RCOR1: variants seen among roughly 807,000 people sequenced by gnomAD.
RCOR1 encodes the protein REST corepressor.
Under a neutral mutation model 64.0 loss-of-function variants are expected in RCOR1, and 12 were observed. That is an observed-to-expected ratio of 0.19 (90% CI 0.12 to 0.30). The LOEUF (loss-of-function observed/expected upper bound fraction) is 0.30, where lower values mean the gene tolerates loss of function less well. RCOR1 is among the 10% of genes least tolerant of loss of function. The probability of loss-of-function intolerance (pLI) is 1.00; values close to 1 mark genes in which losing one functional copy is unlikely to be tolerated. For synonymous variants in RCOR1, 279 were observed against 227.2 expected (o/e 1.23, Z -2.05); for missense variants, 502 against 621.2 (o/e 0.81, Z 2.04).
intron 11 of RCOR1, among the ~76,000 whole-genome samples, chr14:102,724,110 C>T (rs1359691737): frequency 3.3e-5 from 5 of 151,786 alleles, no homozygotes; most frequent in East Asian, 3.9e-4. Context: ...ATCAAAGTAC[C>T]GTCTTTCTTT....
At chr14:102,615,910 G>A (rs549557652) in intron 2 of RCOR1, among the ~76,000 whole-genome samples, 3 of 152,178 alleles carry the variant, frequency 2.0e-5, no homozygotes, top group Admixed American at 6.5e-5. Context: ...ACAGGAGGTA[G>A]GCCATCAGTT....
At chr14:102,616,873 A>G (rs1046009125) in intron 2 of RCOR1, among the ~76,000 whole-genome samples, 35 of 152,326 alleles carry the variant, frequency 2.3e-4, no homozygotes, top group African/African-American at 7.2e-4. Context: ...TTAAAAGTTC[A>G]GTCCCTCTCC....
chr14:102,678,875 G>C (rs1372895548), intron 2 of RCOR1, among the ~76,000 whole-genome samples: 6 of 152,074 alleles, frequency 3.9e-5, no homozygotes, highest in Non-Finnish European at 7.4e-5. Context: ...TTTTCCTAAT[G>C]GCTAATGATG....
rs1218701180 is a variant in RCOR1, at chr14:102,592,755, G to A, written c.-132G>A. On this transcript the variant is annotated 5_prime_UTR_variant, in exon 1 of 12. Coordinates refer to ENST00000262241, the MANE Select transcript of RCOR1 (RefSeq NM_015156.4). ...TGCCCGTTTGGGCCTCCCCCGACTC[G>A]GACTCGCGCCCGTGGGCTCCCGCCG... The A allele has an allele frequency of 3.2e-5, 39 of 1,214,688 alleles. No individual in the cohort carries two copies. Among genetic ancestry groups the A allele is most frequent in the African/African-American group, 4.7e-5 (3 of 63,330 alleles). The allele number at this position is 1,214,688 out of a possible 1,614,324, so 75.2% of individuals were successfully genotyped here.
chr14:102,653,393 T>A (rs1454512478), intron 2 of RCOR1, among the ~76,000 whole-genome samples: 1 of 152,170 alleles, frequency 6.6e-6, no homozygotes, highest in Non-Finnish European at 1.5e-5. Flanking sequence ...TAATTTTTTC[T>A]ATTTTTGGTA....
chr14:102,619,626 G>A (rs1194156304), intron 2 of RCOR1, among the ~76,000 whole-genome samples: 1 of 151,992 alleles, frequency 6.6e-6, no homozygotes, highest in Non-Finnish European at 1.5e-5. Context: ...GACTACAGAT[G>A]TGTGCCACCA....
At chr14:102,611,253 A>G (rs993213786) in intron 2 of RCOR1, among the ~76,000 whole-genome samples, 13 of 151,994 alleles carry the variant, frequency 8.6e-5, no homozygotes, top group Non-Finnish European at 1.9e-4. Context: ...TTGTATTGTT[A>G]GTAGAGATAG....
chr14:102,677,284 C>A (rs1204004316), intron 2 of RCOR1, among the ~76,000 whole-genome samples: 1 of 96,186 alleles, frequency 1.0e-5, no homozygotes, highest in Non-Finnish European at 2.1e-5. Context: ...TCGGGGCGGC[C>A]GGGCAAAGGA....
At chr14:102,593,408 CCGA>C in intron 2 of RCOR1, 83 bp downstream of exon 2, 3 of 1,378,630 alleles carry the variant, frequency 2.2e-6, no homozygotes, top group Non-Finnish European at 2.8e-6. Context: ...CGGGAGCCCG[CCGA>C]CAACTTTCTT....
intron 6 of RCOR1, among the ~76,000 whole-genome samples, chr14:102,709,494 C>A (rs919137163): frequency 3.9e-5 from 6 of 152,116 alleles, no homozygotes; most frequent in African/African-American, 1.4e-4. Context: ...TGTCCCATCT[C>A]AGGATGGAAT....
chr14:102,715,086 T>G lies in RCOR1; in HGVS notation c.1053+469T>G, dbSNP rs533312337. Among the ~76,000 whole-genome samples, 241 of 151,900 alleles carry G rather than the reference T, an allele frequency of 1.6e-3. 2 individuals carry two copies. The highest frequency in any genetic ancestry group is 4.8e-3 in the South Asian group (23 of 4,810). On this transcript the variant is annotated intron_variant, in intron 8 of 11. Coordinates refer to ENST00000262241, the MANE Select transcript of RCOR1 (RefSeq NM_015156.4). ...CCACTATTCTGATTTTTTTTTTTTT[T>G]GAGACGGTGTCTCGCTCTGTCGCCC...
rs1298467194 is a variant in RCOR1, at chr14:102,592,973, C to T, written c.87C>T (p.Ala29=). The T allele has an allele frequency of 3.5e-5, 41 of 1,159,218 alleles. No homozygotes were observed. The highest frequency in any genetic ancestry group is 3.8e-5 in the Non-Finnish European group (36 of 940,720). The allele number at this position is 1,159,218 out of a possible 1,614,324, so 71.8% of individuals were successfully genotyped here. Residue 29 remains alanine (A), a synonymous_variant, in exon 1 of 12, where the codon GCC becomes GCT. Coordinates refer to ENST00000262241, the MANE Select transcript of RCOR1 (RefSeq NM_015156.4). The part of the protein sequence containing the change: ...NNAAASASAA[A]ASAAASAACA... ...CGGCCGCCTCCGCCTCCGCCGCCGC[C>T]GCCTCCGCCGCCGCCTCGGCCGCCT...
intron 2 of RCOR1, chr14:102,655,190 T>C: frequency 1.1e-6 from 1 of 919,230 alleles, no homozygotes; most frequent in Non-Finnish European, 1.3e-6. Flanking sequence ...GGTACAAAAT[T>C]AAAAGATGCA....
At chr14:102,632,645 TTTCCTTTCCTTTCCTTTCCTTTCCTTTCC>T (rs1894141145) in intron 2 of RCOR1, among the ~76,000 whole-genome samples, 4 of 63,376 alleles carry the variant, frequency 6.3e-5, no homozygotes, top group African/African-American at 1.4e-4. Context: ...TTTCCTTTCC[TTTCCTTTCCTTTCCTTTCCTTTCCTTTCC>T]TTTCCTTTTC....
At chr14:102,699,947 A>G (rs905656100) in intron 3 of RCOR1, among the ~76,000 whole-genome samples, 12 of 152,248 alleles carry the variant, frequency 7.9e-5, no homozygotes, top group African/African-American at 2.9e-4. Flanking sequence ...GGTTGAGTCA[A>G]TTCATTTTCC....
At chr14:102,640,025 A>G (rs1894334460) in intron 2 of RCOR1, among the ~76,000 whole-genome samples, 1 of 152,018 alleles carries the variant, frequency 6.6e-6, no homozygotes, top group Admixed American at 6.6e-5. Flanking sequence ...TTGTGTTTTT[A>G]GTAGAGATGG....
chr14:102,600,866 G>A (rs1440801673), intron 2 of RCOR1, among the ~76,000 whole-genome samples: 3 of 148,434 alleles, frequency 2.0e-5, no homozygotes, highest in African/African-American at 4.9e-5. Flanking sequence ...CACCGCGCCC[G>A]GCTGCTAATT....
In RCOR1 at chr14:102,671,500, A is replaced by G. The variant is rs148594434; in HGVS notation, c.362-10395A>G. Reference sequence around the variant, plus strand: ...AGCCTTGAACTCTTGGGCTCAAGCAATCCTTTAGCCTCACCCTCTGAAGTA... The same window carrying G: ...AGCCTTGAACTCTTGGGCTCAAGCAGTCCTTTAGCCTCACCCTCTGAAGTA... On this transcript the variant is annotated intron_variant, in intron 2 of 11. Coordinates refer to ENST00000262241, the MANE Select transcript of RCOR1 (RefSeq NM_015156.4). 1.8e-3 allele frequency among the ~76,000 whole-genome samples: 275 copies of G among 152,198 alleles called. 2 individuals are homozygous for G. Among genetic ancestry groups the G allele is most frequent in the South Asian group, 0.011 (53 of 4,812 alleles).
At chr14:102,710,891 AT>A in intron 6 of RCOR1, 43 bp from the exon 7 acceptor site, 1 of 1,385,662 alleles carries the variant, frequency 7.2e-7, no homozygotes, top group Non-Finnish European at 1.0e-6. Context: ...TATTCGGAAA[AT>A]TAGTACAAAA....
Sources: allele counts gnomAD v4.1 joint callset (sites outside exome capture counted in the v4.1 genomes callset), GRCh38; gene constraint gnomAD v4.1.1; transcripts MANE v1.5; gene names NCBI Gene and HGNC (gene_info 2026-07-23, HGNC 2026-07-21).